HECTD4: variants seen among roughly 807,000 people sequenced by gnomAD.
HECTD4 encodes the protein probable E3 ubiquitin-protein ligase HECTD4.
Under a neutral mutation model 471.5 loss-of-function variants are expected in HECTD4, and 114 were observed. The ratio of observed to expected loss-of-function variants is 0.24; its 90% CI spans 0.21 to 0.28. HECTD4 has a LOEUF of 0.28. Among genes scored for constraint, HECTD4 ranks in the 10% least tolerant of loss-of-function variants. The probability of loss-of-function intolerance (pLI) is 1.00; values close to 1 mark genes in which losing one functional copy is unlikely to be tolerated. For missense variants in HECTD4, 3,866 were observed against 5,651.5 expected (o/e 0.68, Z 10.13); for synonymous variants, 2,012 against 2,256.0 (o/e 0.89, Z 3.07).
At chr12:112,307,100 C>T (rs2035284681) in intron 6 of HECTD4, among the ~76,000 whole-genome samples, 1 of 152,054 alleles carries the variant, frequency 6.6e-6, no homozygotes, top group African/African-American at 2.4e-5. Context: ...AGCTGAGAAA[C>T]TCAAAATAAA....
chr12:112,345,784 A>G (rs1461021740), intron 1 of HECTD4, among the ~76,000 whole-genome samples: 4 of 152,262 alleles, frequency 2.6e-5, no homozygotes, highest in African/African-American at 9.6e-5. Context: ...AGTCCCAGCT[A>G]CTCGGGAGGC....
At chr12:112,246,037 C>T (rs1215378010) in intron 29 of HECTD4, among the ~76,000 whole-genome samples, 1 of 151,842 alleles carries the variant, frequency 6.6e-6, no homozygotes, top group African/African-American at 2.4e-5. Flanking sequence ...GAAGCTGAGG[C>T]AGGAGAATCG....
chr12:112,246,898 T>C lies in HECTD4; in HGVS notation c.4513+3A>G. On this transcript the variant is annotated splice_donor_region_variant and intron_variant, in intron 29 of 75. Transcript: ENST00000682272. ...CCGATTAGGGGCTATCTTTGAGCAG[T>C]ACCTGGTGTTTCAGCAGGGGTCCCA... is the stretch of plus-strand genomic sequence containing the variant. 6.2e-7 allele frequency: 1 copy of C among 1,611,660 alleles called. No individual in the cohort carries two copies. Among genetic ancestry groups the C allele is most frequent in the Non-Finnish European group, 8.5e-7 (1 of 1,179,550 alleles).
At chr12:112,175,598 G>GA in intron 66 of HECTD4, 138 bp downstream of exon 66, 1 of 1,081,932 alleles carries the variant, frequency 9.2e-7, no homozygotes, top group Non-Finnish European at 1.3e-6. Flanking sequence ...TAGCACTTAG[G>GA]AAAAAACTCA....
intron 1 of HECTD4, among the ~76,000 whole-genome samples, chr12:112,339,051 C>T (rs2036006919): frequency 1.3e-5 from 2 of 152,188 alleles, no homozygotes; most frequent in South Asian, 4.1e-4. Context: ...GTTGCAGGGA[C>T]TAGCCTACAA....
chr12:112,242,687 G>C (rs1000474398), intron 32 of HECTD4, among the ~76,000 whole-genome samples: 4 of 150,984 alleles, frequency 2.6e-5, no homozygotes, highest in African/African-American at 9.7e-5. Flanking sequence ...GAGGCAGGCA[G>C]ATCACCTGAG....
At chr12:112,236,835 A>G in intron 35 of HECTD4, 110 bp downstream of exon 35, 1 of 1,017,292 alleles carries the variant, frequency 9.8e-7, no homozygotes, top group Non-Finnish European at 1.3e-6. Flanking sequence ...GTGTGTCAAA[A>G]TGGCCTAGTA....
chr12:112,355,592 T>C (rs890616403), intron 1 of HECTD4, among the ~76,000 whole-genome samples: 1 of 151,494 alleles, frequency 6.6e-6, no homozygotes, highest in Non-Finnish European at 1.5e-5. Flanking sequence ...AAACCCCATG[T>C]CTACTAAAAA....
chr12:112,373,350 T>G (rs1008227991), intron 1 of HECTD4, among the ~76,000 whole-genome samples: 8 of 152,028 alleles, frequency 5.3e-5, no homozygotes, highest in Non-Finnish European at 1.2e-4. Context: ...CTGGCCAACA[T>G]GGTGAAACCC....
At chr12:112,328,373 A>C (rs2035788529) in intron 1 of HECTD4, among the ~76,000 whole-genome samples, 1 of 152,132 alleles carries the variant, frequency 6.6e-6, no homozygotes, top group Non-Finnish European at 1.5e-5. Context: ...CTGGGGTTCA[A>C]GTGATCCTCC....
intron 1 of HECTD4, among the ~76,000 whole-genome samples, chr12:112,338,564 G>A (rs2035999258): frequency 6.6e-6 from 1 of 152,084 alleles, no homozygotes; most frequent in African/African-American, 2.4e-5. Flanking sequence ...AGGTTGGAGT[G>A]AGCCAAGATC....
intron 32 of HECTD4, among the ~76,000 whole-genome samples, chr12:112,242,819 G>A (rs2033672831): frequency 1.3e-5 from 2 of 152,126 alleles, no homozygotes; most frequent in African/African-American, 2.4e-5. Flanking sequence ...GTTGAGACAC[G>A]AGAATCACTT....
chr12:112,216,877 G>T lies in HECTD4; in HGVS notation c.7281C>A (p.Asp2427Glu), dbSNP rs779546273. Residue 2427 changes from aspartate to glutamate, a missense_variant, in exon 47 of 76, where the codon GAC becomes GAA. Asp to Glu is a conservative substitution (Grantham distance 45). This residue lies in a region of HECTD4 where 617 missense variants were observed against 915.1 expected (regional missense o/e 0.67). Coordinates refer to ENST00000682272, the MANE Select transcript of HECTD4 (RefSeq NM_001388303.1). ...YWEIEIVSYG[D>E]TDDDTGPIVS... ...CTATGGGTCCGGTGTCATCATCGGTGTCTCCATAGGAAACGATTTCAATTT... is the reference window on the plus strand; with the variant it reads ...CTATGGGTCCGGTGTCATCATCGGTTTCTCCATAGGAAACGATTTCAATTT... 1.9e-6 allele frequency: 3 copies of T among 1,613,902 alleles called. No individual in the cohort carries two copies. In the African/African-American group the frequency reaches 4.0e-5, roughly 22 times the overall value.
intron 1 of HECTD4, among the ~76,000 whole-genome samples, chr12:112,369,924 A>G (rs1290904228): frequency 6.6e-6 from 1 of 152,212 alleles, no homozygotes; most frequent in East Asian, 1.9e-4. Flanking sequence ...TGCTCAACTG[A>G]ATAATGGCGT....
chr12:112,342,178 G>A (rs988387192), intron 1 of HECTD4, among the ~76,000 whole-genome samples: 2 of 152,170 alleles, frequency 1.3e-5, no homozygotes, highest in Admixed American at 6.5e-5. Context: ...ACTAAAGGCC[G>A]GGCATGGTGG....
chr12:112,249,753 A>AAC (rs1198147397), intron 25 of HECTD4: 1 of 232,260 alleles, frequency 4.3e-6, no homozygotes, highest in Non-Finnish European at 8.5e-6. Context: ...TAGACTCTGG[A>AAC]AAGTAAAGTA....
chr12:112,182,664 C>A (rs370545072), intron 62 of HECTD4, among the ~76,000 whole-genome samples: 1 of 152,268 alleles, frequency 6.6e-6, no homozygotes, highest in Admixed American at 6.5e-5. Flanking sequence ...GACTTGAATA[C>A]AAGCCCACAT....
chr12:112,363,171 TTC>T (rs1481389567), intron 1 of HECTD4, among the ~76,000 whole-genome samples: 2 of 152,144 alleles, frequency 1.3e-5, no homozygotes, highest in African/African-American at 2.4e-5. Context: ...AACAGTTCCA[TTC>T]TTTTTTAATT....
intron 44 of HECTD4, among the ~76,000 whole-genome samples, chr12:112,224,392 G>A (rs1416677454): frequency 2.6e-5 from 4 of 151,332 alleles, no homozygotes; most frequent in African/African-American, 7.3e-5. Context: ...TCAGCCTCCC[G>A]AGTAGCTGGG....
Sources: gnomAD v4.1 joint callset for allele counts (sites outside exome capture counted in the v4.1 genomes callset) on GRCh38, gnomAD v4.1.1 for gene constraint, gnomAD v4.1.1 regional missense constraint, MANE v1.5 for transcripts, NCBI Gene and HGNC (gene_info 2026-07-23, HGNC 2026-07-21) for gene names.